NTMT1: variants seen among roughly 807,000 people sequenced by gnomAD.
The protein encoded by NTMT1 is N-terminal Xaa-Pro-Lys N-methyltransferase 1, also known as N-terminal RCC1 methyltransferase.
A neutral mutation model predicts 17.5 loss-of-function variants in NTMT1; 8 were observed. The observed-to-expected ratio is 0.46, with a 90% confidence interval of 0.27 to 0.82. The LOEUF is 0.82. Ranked by LOEUF, NTMT1 falls within the 40% of genes least tolerant of loss-of-function variation. The pLI is 0.15. For synonymous variants in NTMT1, 128 were observed against 126.8 expected, an observed-to-expected ratio of 1.01 and a Z score of -0.06; for missense variants, 221 against 303.5, an observed-to-expected ratio of 0.73 and a Z score of 2.02.
At chr9:129,629,705 C>T (rs749081655) in intron 1 of NTMT1, among the ~76,000 whole-genome samples, 1 of 152,220 alleles carries the variant, frequency 6.6e-6, no homozygotes, top group Non-Finnish European at 1.5e-5. Flanking sequence ...CCCCAAAGGG[C>T]TCCCTGATTG....
At chr9:129,628,722 G>A (rs1360855592) in intron 1 of NTMT1, 1 of 152,254 alleles carries the variant, frequency 6.6e-6, no homozygotes, top group Non-Finnish European at 1.5e-5. Flanking sequence ...CCTGGTATGT[G>A]TTTGCCCCCA....
intron 1 of NTMT1, among the ~76,000 whole-genome samples, chr9:129,609,878 G>C (rs780066487): frequency 2.6e-5 from 4 of 151,974 alleles, no homozygotes; most frequent in Non-Finnish European, 5.9e-5. Context: ...GTGAGAGGCC[G>C]TGTATGTGTG....
chr9:129,626,334 T>C (rs1177162258), intron 1 of NTMT1, 39 bp downstream of exon 1: 4 of 152,100 alleles, frequency 2.6e-5, no homozygotes, highest in Non-Finnish European at 5.9e-5. Flanking sequence ...AGGCAGCCGC[T>C]GGGAGAGGGG....
At chr9:129,611,265 C>G (rs1830108957) in intron 1 of NTMT1, among the ~76,000 whole-genome samples, 1 of 152,206 alleles carries the variant, frequency 6.6e-6, no homozygotes, top group African/African-American at 2.4e-5. Flanking sequence ...AGACCCGGAT[C>G]CTGGGCAATG....
At chr9:129,612,335 G>A (rs1267448780) in intron 1 of NTMT1, 1 of 1,609,506 alleles carries the variant, frequency 6.2e-7, no homozygotes, top group Non-Finnish European at 8.5e-7. Flanking sequence ...CTGGCCTTGG[G>A]TTCGCGAGTG....
In NTMT1 at chr9:129,613,136, A is replaced by C; in HGVS notation, c.-55+3958A>C. On this transcript the variant is annotated intron_variant, in intron 1 of 3. Coordinates refer to the NTMT1 transcript ENST00000372486. This position sits in a 1 kb window ranked among gnomAD's most constrained non-coding sequence, Gnocchi z 6.2. ...TCCAGGTTTCTGTGCGGGTCCAAGA[A>C]GGCTCGGAGGCTGCTTCGCGGCCTC... 3 of 1,613,912 alleles carry C rather than the reference A, an allele frequency of 1.9e-6. No individual in the cohort carries two copies. The highest frequency in any genetic ancestry group is 1.7e-6 in the Non-Finnish European group (2 of 1,180,018).
rs1404717597 is a variant in NTMT1 at position 129,618,874 on chromosome 9, T to TGTG, written c.-55+9696_-55+9697insGTG. 3.0e-3 allele frequency among the ~76,000 whole-genome samples: 457 copies of TGTG among 150,138 alleles called. 1 individual carries two copies. Among genetic ancestry groups the TGTG allele is most frequent in the African/African-American group, 0.011 (442 of 41,070 alleles). On this transcript the variant is annotated intron_variant, in intron 1 of 3. Coordinates refer to the NTMT1 transcript ENST00000372486. ...CGCCCGGCTAATTTTTTGTGTTTTT[T>TGTG]TTTTTTTTTTTGTATATTTTTAGTA...
chr9:129,622,936 G>A (rs541510511), upstream of NTMT1, among the ~76,000 whole-genome samples: 1 of 152,176 alleles, frequency 6.6e-6, no homozygotes, highest in African/African-American at 2.4e-5. Flanking sequence ...GGCTGAGGTA[G>A]GAGAATTGCT....
chr9:129,612,257 C>T (rs1830129769), intron 1 of NTMT1: 3 of 1,122,816 alleles, frequency 2.7e-6, no homozygotes, highest in Admixed American at 4.1e-5. Context: ...AGGTCCCAGC[C>T]ACCTGGGATG....
Position 129,635,234 on chromosome 9 carries a change from G to C in NTMT1, c.442G>C (p.Glu148Gln). 1 of 1,611,696 alleles carries C rather than the reference G, an allele frequency of 6.2e-7. No homozygotes were observed. Among genetic ancestry groups the C allele is most frequent in the South Asian group, 1.1e-5 (1 of 91,066 alleles). The change falls in exon 4 of 4, where the codon GAG becomes CAG. Residue 148 changes from glutamate to glutamine, a missense_variant. Coordinates refer to ENST00000372483, the MANE Select transcript of NTMT1 (RefSeq NM_014064.4). ...CCACCTCACCGATCAGCACCTGGCC[G>C]AGTTCCTGCGGCGCTGCAAGGGCAG... ...IGHLTDQHLAEFLRRCKGSLR... is the reference protein window; with the variant it reads ...IGHLTDQHLAQFLRRCKGSLR...
chr9:129,611,525 G>C (rs1282596293), intron 1 of NTMT1, among the ~76,000 whole-genome samples: 2 of 152,298 alleles, frequency 1.3e-5, no homozygotes, highest in East Asian at 1.9e-4. Context: ...CAACCCTTCC[G>C]GGGAAACGCA....
At chr9:129,611,883 C>T (rs1429830670) in intron 1 of NTMT1, among the ~76,000 whole-genome samples, 1 of 151,990 alleles carries the variant, frequency 6.6e-6, no homozygotes, top group Non-Finnish European at 1.5e-5. Flanking sequence ...CTCCCAAGTA[C>T]CTGGGGCTAG....
At chr9:129,625,198 T>C (rs1207985314), upstream of NTMT1, among the ~76,000 whole-genome samples, 4 of 152,350 alleles carry the variant, frequency 2.6e-5, no homozygotes, top group African/African-American at 7.2e-5. Flanking sequence ...GCCTCGGAGA[T>C]AGCTCCAGAA....
rs779416954 is a variant in NTMT1, at chr9:129,613,255, G to A, written c.-55+4077G>A. 9.4e-6 allele frequency: 15 copies of A among 1,600,408 alleles called. No individual in the cohort carries two copies. In the East Asian group the frequency reaches 3.4e-4, roughly 36 times the overall value. On this transcript the variant is annotated intron_variant, in intron 1 of 3. Transcript: ENST00000372486. This position sits in a 1 kb window ranked among gnomAD's most constrained non-coding sequence, Gnocchi z 6.2. ...GCCCTGTGTCTTCTGGGTGGACCTG[G>A]GGGAGACAGGACCCCATGAGCTTCC...
chr9:129,629,567 G>A (rs183877610), intron 1 of NTMT1, among the ~76,000 whole-genome samples: 6 of 152,240 alleles, frequency 3.9e-5, no homozygotes, highest in East Asian at 3.9e-4. Flanking sequence ...TTTCTGAGCC[G>A]TGGGCTTCTT....
At chr9:129,612,441 G>A (rs1321166008) in intron 1 of NTMT1, 1 of 1,612,256 alleles carries the variant, frequency 6.2e-7, no homozygotes, top group Non-Finnish European at 8.5e-7. Context: ...CACCCGGTTG[G>A]GCAGGAGGGA....
intron 1 of NTMT1, among the ~76,000 whole-genome samples, chr9:129,629,912 C>T (rs1199046819): frequency 1.3e-5 from 2 of 151,738 alleles, no homozygotes; most frequent in African/African-American, 4.9e-5. Context: ...CCAGCCTGGG[C>T]CACATAGTAA....
At chr9:129,634,591 G>A (rs1831404383) in intron 3 of NTMT1, 1 of 378,964 alleles carries the variant, frequency 2.6e-6, no homozygotes, top group Non-Finnish European at 4.7e-6. Context: ...ATAACTTACT[G>A]CATTCAAAGT....
At chr9:129,633,062 T>C in intron 2 of NTMT1, 197 bp downstream of exon 2, 1 of 547,450 alleles carries the variant, frequency 1.8e-6, no homozygotes, top group East Asian at 3.0e-5. Context: ...AGCCTCAGGG[T>C]TACCAGACAG....
Sources: allele counts gnomAD v4.1 joint callset (sites outside exome capture counted in the v4.1 genomes callset), GRCh38; gene constraint gnomAD v4.1.1; non-coding constraint Gnocchi (gnomAD v3.1); transcripts MANE v1.5; gene names NCBI Gene and HGNC (gene_info 2026-07-23, HGNC 2026-07-21).